The following MAGI1 variants were observed in gnomAD, a reference collection of about 807,000 sequenced individuals.
MAGI1 encodes membrane associated guanylate kinase, WW and PDZ domain containing 1.
In MAGI1, 58 loss-of-function variants were observed where a neutral mutation model predicts 139.9. The ratio of observed to expected loss-of-function variants is 0.41; its 90% CI spans 0.34 to 0.52. MAGI1 has a LOEUF of 0.52. Among genes scored for constraint, MAGI1 ranks in the 20% least tolerant of loss-of-function variants. The probability of loss-of-function intolerance (pLI) is 0.12; values close to 1 mark genes in which losing one functional copy is unlikely to be tolerated. For missense variants in MAGI1, 1,874 were observed against 1,901.6 expected (o/e 0.99, Z 0.27); for synonymous variants, 812 against 737.9 (o/e 1.10, Z -1.63).
At chr3:65,538,841 C>T (rs559262560) in intron 2 of MAGI1, among the ~76,000 whole-genome samples, 1 of 152,282 alleles carries the variant, frequency 6.6e-6, no homozygotes, top group South Asian at 2.1e-4. Context: ...GTCATACAAA[C>T]CAACTACCAA....
chr3:65,562,348 A>T (rs750441950), intron 2 of MAGI1, among the ~76,000 whole-genome samples: 11 of 152,240 alleles, frequency 7.2e-5, no homozygotes, highest in Non-Finnish European at 1.3e-4. Context: ...AATGCCACTC[A>T]TTGTAGAATG....
intron 2 of MAGI1, among the ~76,000 whole-genome samples, chr3:65,619,323 G>T (rs2083547107): frequency 6.6e-6 from 1 of 152,152 alleles, no homozygotes; most frequent in Non-Finnish European, 1.5e-5. Flanking sequence ...GCCGTAAGTG[G>T]TAAAGTGTGC....
chr3:65,968,878 T>C (rs1560066067), intron 1 of MAGI1, among the ~76,000 whole-genome samples: 1 of 152,194 alleles, frequency 6.6e-6, no homozygotes, highest in Non-Finnish European at 1.5e-5. Flanking sequence ...ATAACATCCC[T>C]GTAAGTTTCA....
chr3:65,477,229 G>A (rs1392728924), intron 4 of MAGI1, among the ~76,000 whole-genome samples: 1 of 152,144 alleles, frequency 6.6e-6, no homozygotes, highest in African/African-American at 2.4e-5. Context: ...ATAAATTTTA[G>A]TCCTCTGAGC....
At chr3:65,394,629 G>T (rs1213503816) in intron 13 of MAGI1, among the ~76,000 whole-genome samples, 1 of 151,998 alleles carries the variant, frequency 6.6e-6, no homozygotes, top group Non-Finnish European at 1.5e-5. Context: ...ATATCTTGTG[G>T]GCACTCTGGA....
intron 1 of MAGI1, among the ~76,000 whole-genome samples, chr3:65,872,022 T>G (rs1294615012): frequency 6.6e-6 from 1 of 152,320 alleles, no homozygotes; most frequent in East Asian, 1.9e-4. Context: ...GAGTTCTCGC[T>G]CTACTAACCA....
At position 65,367,343 on chromosome 3, in the gene MAGI1, T is replaced by C. The variant is rs138569736; in HGVS notation, c.3197-2397A>G. 5.4e-4 allele frequency among the ~76,000 whole-genome samples: 82 copies of C among 152,342 alleles called. No individual in the cohort carries two copies. The East Asian group carries it at 0.013, about 24-fold the overall frequency. ...ATAATTTGATGAGATAATCACCCAA[T>C]ACACAGAATTCCTTTATTATTTTTA... On this transcript the variant is annotated intron_variant, in intron 18 of 22. Transcript: ENST00000402939.
intron 1 of MAGI1, among the ~76,000 whole-genome samples, chr3:65,733,039 T>C (rs1330918773): frequency 1.3e-5 from 2 of 152,034 alleles, no homozygotes; most frequent in African/African-American, 4.8e-5. Flanking sequence ...TTTTCTGTCA[T>C]TGTTGTGGGT....
intron 1 of MAGI1, among the ~76,000 whole-genome samples, chr3:65,682,114 G>T (rs1576709829): frequency 6.6e-6 from 1 of 152,084 alleles, no homozygotes; most frequent in Non-Finnish European, 1.5e-5. Context: ...CCTGGAAAAG[G>T]GGAATTTATT....
chr3:65,650,667 G>A (rs928885534), intron 1 of MAGI1, among the ~76,000 whole-genome samples: 2 of 152,194 alleles, frequency 1.3e-5, no homozygotes, highest in African/African-American at 4.8e-5. Context: ...CAACAAGTTT[G>A]TGGTAATTTC....
chr3:65,769,428 G>A (rs2107929931), intron 1 of MAGI1, among the ~76,000 whole-genome samples: 1 of 152,252 alleles, frequency 6.6e-6, no homozygotes, highest in East Asian at 1.9e-4. Context: ...GTTTTAGGCT[G>A]CAGTAAGCTA....
chr3:65,420,602 T>G (rs1314783889), intron 12 of MAGI1, among the ~76,000 whole-genome samples: 1 of 152,176 alleles, frequency 6.6e-6, no homozygotes, highest in Non-Finnish European at 1.5e-5. Context: ...CACGTGATGT[T>G]AATGAATTTG....
At chr3:65,494,665 C>T (rs1455317056) in intron 2 of MAGI1, among the ~76,000 whole-genome samples, 6 of 152,134 alleles carry the variant, frequency 3.9e-5, no homozygotes, top group Admixed American at 3.9e-4. Context: ...ACGATATTTC[C>T]CTATGTCTAG....
intron 5 of MAGI1, among the ~76,000 whole-genome samples, chr3:65,457,537 A>G (rs1285330012): frequency 6.6e-6 from 1 of 152,196 alleles, no homozygotes; most frequent in African/African-American, 2.4e-5. Context: ...AAGATCCAAT[A>G]TATGGTTTGT....
chr3:65,809,077 A>G (rs983257012), intron 1 of MAGI1, among the ~76,000 whole-genome samples: 7 of 152,204 alleles, frequency 4.6e-5, no homozygotes, highest in Non-Finnish European at 2.9e-5. Context: ...AACTCAGCCA[A>G]TGATTATGGT....
At position 65,387,338 on chromosome 3, in the gene MAGI1, G is replaced by C. The variant is rs1943531468; in HGVS notation, c.2417-3715C>G. The C allele has an allele frequency of 5.6e-6, 4 of 713,630 alleles. No homozygotes were observed. The Admixed American group carries it at 1.1e-4, about 19-fold the overall frequency. 44.2% of individuals were successfully genotyped at this position (713,630 alleles called of 1,614,324 possible). On this transcript the variant is annotated intron_variant, in intron 14 of 22. Transcript: ENST00000402939. The stretch of plus-strand genomic sequence containing the variant: ...CAGTCAGTTCAGCTTTCACAATAAA[G>C]GTCATGGCTGTTATGTTAAAAGACT...
At chr3:65,579,915 A>G (rs2081342240) in intron 2 of MAGI1, among the ~76,000 whole-genome samples, 2 of 151,736 alleles carry the variant, frequency 1.3e-5, no homozygotes, top group South Asian at 4.2e-4. Context: ...AGACAAGCTC[A>G]CTGGCACTCT....
Position 65,569,059 on chromosome 3 carries a change from G to A in MAGI1, c.430+52913C>T, listed in dbSNP as rs559372480. Among the ~76,000 whole-genome samples, 474 of 152,286 alleles carry A rather than the reference G, an allele frequency of 3.1e-3. 1 individual carries two copies. The highest frequency in any genetic ancestry group is 1.0e-2 in the African/African-American group (414 of 41,554). On this transcript the variant is annotated intron_variant, in intron 2 of 22. Coordinates refer to ENST00000402939, the MANE Select transcript of MAGI1 (RefSeq NM_001033057.2). ...CAAGCAACCCAAGTGCCTATAGATAGATGAATAGATAAACAAAATGTGGTA... is the reference window on the plus strand; with the variant it reads ...CAAGCAACCCAAGTGCCTATAGATAAATGAATAGATAAACAAAATGTGGTA...
chr3:65,533,214 T>C (rs2078799381), intron 2 of MAGI1, among the ~76,000 whole-genome samples: 1 of 152,178 alleles, frequency 6.6e-6, no homozygotes, highest in Admixed American at 6.5e-5. Context: ...CTCAAATTAG[T>C]AGATTTAACT....
Sources: gnomAD v4.1 joint callset for allele counts (sites outside exome capture counted in the v4.1 genomes callset) on GRCh38, gnomAD v4.1.1 for gene constraint, MANE v1.5 for transcripts, NCBI Gene and HGNC (gene_info 2026-07-23, HGNC 2026-07-21) for gene names.